Variants in TSPAN14 observed in about 807,000 individuals in gnomAD.
The protein encoded by TSPAN14 is tetraspanin 14.
In TSPAN14, 16 loss-of-function variants were observed where a neutral mutation model predicts 36.6. The ratio of observed to expected loss-of-function variants is 0.44; its 90% CI spans 0.30 to 0.66. TSPAN14 has a LOEUF of 0.66. TSPAN14 is among the 30% of genes least tolerant of loss of function. TSPAN14 has a pLI of 0.12. For missense variants in TSPAN14, 231 were observed against 355.1 expected, an observed-to-expected ratio of 0.65 and a Z score of 2.81; for synonymous variants, 139 against 143.8, an observed-to-expected ratio of 0.97 and a Z score of 0.24.
Position 80,509,230 on chromosome 10 carries a change from G to A in TSPAN14, c.280-71G>A. ...TGCTGAGGATGGTGGTTCTGGGTCA[G>A]GTGGGGTTATGTGTGTGGGGGTGCA... On this transcript the variant is annotated intron_variant, in intron 4 of 8. Transcript: ENST00000429989. This position sits in a 1 kb window ranked among gnomAD's most constrained non-coding sequence, Gnocchi z 4.7. 1 of 1,527,018 alleles carries A rather than the reference G, an allele frequency of 6.5e-7. No homozygotes were observed. Among genetic ancestry groups the A allele is most frequent in the Non-Finnish European group, 8.9e-7 (1 of 1,121,244 alleles). 94.6% of individuals were successfully genotyped at this position (1,527,018 alleles called of 1,614,324 possible).
intron 1 of TSPAN14, among the ~76,000 whole-genome samples, chr10:80,461,876 G>A (rs1845986370): frequency 6.6e-6 from 1 of 151,766 alleles, no homozygotes; most frequent in Admixed American, 6.6e-5. Flanking sequence ...GGCTTCAGGT[G>A]CCAGTATGGT....
intron 2 of TSPAN14, among the ~76,000 whole-genome samples, chr10:80,494,308 A>G (rs1257094818): frequency 2.5e-4 from 38 of 152,214 alleles, no homozygotes; most frequent in Admixed American, 2.5e-3. Context: ...ATTCCTTCAA[A>G]GTCACAGATG....
intron 1 of TSPAN14, among the ~76,000 whole-genome samples, chr10:80,486,187 G>A (rs537237460): frequency 2.6e-5 from 4 of 152,366 alleles, no homozygotes; most frequent in African/African-American, 9.6e-5. Context: ...TGCGTGTTGG[G>A]TGGAAGGTGA....
In TSPAN14 at chr10:80,509,479, C is replaced by G. The variant is rs764166068; in HGVS notation, c.450+8C>G. On this transcript the variant is annotated splice_region_variant and intron_variant, in intron 5 of 8. Coordinates refer to ENST00000429989, the Ensembl canonical transcript of TSPAN14. This position sits in a 1 kb window ranked among gnomAD's most constrained non-coding sequence, Gnocchi z 4.7. The stretch of plus-strand genomic sequence containing the variant: ...GACTCCCTTCAGAAAGCTGTAAGCA[C>G]CTCCCCAGCGGGCCCCCGATAGAGC... 6.2e-6 allele frequency: 10 copies of G among 1,612,928 alleles called. No homozygotes were observed. The highest frequency in any genetic ancestry group is 8.5e-6 in the Non-Finnish European group (10 of 1,179,512).
intron 1 of TSPAN14, among the ~76,000 whole-genome samples, chr10:80,486,611 C>A (rs78355602): frequency 6.6e-6 from 1 of 152,288 alleles, no homozygotes; most frequent in East Asian, 1.9e-4. Context: ...TTCCATGGCT[C>A]GCACCAGCCC....
intron 8 of TSPAN14, among the ~76,000 whole-genome samples, chr10:80,516,742 G>A: frequency 6.6e-6 from 1 of 152,234 alleles, no homozygotes; most frequent in East Asian, 1.9e-4. Context: ...GGTGGCCTGA[G>A]GCTCACGTGT....
intron 1 of TSPAN14, among the ~76,000 whole-genome samples, chr10:80,484,229 C>T (rs1367861076): frequency 2.0e-5 from 3 of 149,250 alleles, no homozygotes; most frequent in Admixed American, 6.7e-5. Context: ...GGCAACAGAG[C>T]AGGACTTGTT....
chr10:80,455,065 G>A (rs74143132), intron 1 of TSPAN14, among the ~76,000 whole-genome samples: 8,803 of 152,182 alleles, frequency 0.058, 324 homozygotes, highest in South Asian at 0.15. Context: ...CTGGTAGAGT[G>A]AGGTTTGTGG....
At chr10:80,466,478 A>G (rs779762887) in intron 1 of TSPAN14, 6 of 152,108 alleles carry the variant, frequency 3.9e-5, no homozygotes, top group Non-Finnish European at 5.9e-5. Flanking sequence ...CTGGTCTCGA[A>G]CTCATCTTCT....
exon 9 of TSPAN14, chr10:80,521,001 A>G: frequency 2.6e-6 from 1 of 381,262 alleles, no homozygotes. Flanking sequence ...CTGAAAAACC[A>G]TCTGCATGGT....
intron 2 of TSPAN14, among the ~76,000 whole-genome samples, chr10:80,495,846 T>A (rs923247558): frequency 1.3e-5 from 2 of 152,234 alleles, no homozygotes; most frequent in African/African-American, 2.4e-5. Context: ...ACATGCCACA[T>A]AATCACCATC....
exon 4 of TSPAN14, chr10:80,507,336 G>A (rs1287804170): frequency 2.5e-6 from 4 of 1,614,230 alleles, no homozygotes; most frequent in South Asian, 1.1e-5. Context: ...CGCCGGCTGC[G>A]TGGGGGCTCT....
At chr10:80,505,463 G>A (rs900294842) in intron 3 of TSPAN14, among the ~76,000 whole-genome samples, 1 of 152,166 alleles carries the variant, frequency 6.6e-6, no homozygotes, top group Non-Finnish European at 1.5e-5. Flanking sequence ...GCAGTAAGGT[G>A]GAGCAGGCCT....
chr10:80,489,926 A>G (rs968683791), intron 2 of TSPAN14, among the ~76,000 whole-genome samples: 1 of 152,172 alleles, frequency 6.6e-6, no homozygotes, highest in African/African-American at 2.4e-5. Context: ...TGGCAGCTGC[A>G]AAGGGCCTGA....
At chr10:80,488,215 C>T (rs1232253036) in intron 1 of TSPAN14, among the ~76,000 whole-genome samples, 1 of 152,154 alleles carries the variant, frequency 6.6e-6, no homozygotes. Flanking sequence ...GAGGCACTCC[C>T]TCCTTCCCCA....
At chr10:80,476,582 A>AT (rs1846922867) in intron 1 of TSPAN14, among the ~76,000 whole-genome samples, 1 of 151,494 alleles carries the variant, frequency 6.6e-6, no homozygotes, top group Non-Finnish European at 1.5e-5. Context: ...CACCCGGCTA[A>AT]TTTTTTGTAT....
At chr10:80,517,100 G>A (rs1368701030) in intron 8 of TSPAN14, among the ~76,000 whole-genome samples, 1 of 152,184 alleles carries the variant, frequency 6.6e-6, no homozygotes, top group Non-Finnish European at 1.5e-5. Context: ...TTCTTGTGTG[G>A]AAAATAACAC....
intron 1 of TSPAN14, among the ~76,000 whole-genome samples, chr10:80,481,183 C>T (rs928041645): frequency 6.6e-6 from 1 of 152,040 alleles, no homozygotes; most frequent in African/African-American, 2.4e-5. Flanking sequence ...ATTGAAGAAA[C>T]TCGTGAAGGT....
chr10:80,486,765 G>A, intron 1 of TSPAN14, among the ~76,000 whole-genome samples: 1 of 152,152 alleles, frequency 6.6e-6, no homozygotes, highest in African/African-American at 2.4e-5. Context: ...ACATTTTTCT[G>A]CCTCATAAGG....
Sources: allele counts gnomAD v4.1 joint callset (sites outside exome capture counted in the v4.1 genomes callset), GRCh38; gene constraint gnomAD v4.1.1; non-coding constraint Gnocchi (gnomAD v3.1); transcripts MANE v1.5; gene names NCBI Gene and HGNC (gene_info 2026-07-23, HGNC 2026-07-21).